The following DENND4A variants were observed in gnomAD, a reference collection of about 807,000 sequenced individuals.
The protein encoded by DENND4A is DENN domain containing 4A, also known as C-myc promoter-binding protein.
A neutral mutation model predicts 199.3 loss-of-function variants in DENND4A; 70 were observed. That is an observed-to-expected ratio of 0.35 (90% CI 0.29 to 0.43). DENND4A has a LOEUF of 0.43. Ranked by LOEUF, DENND4A falls within the 20% of genes least tolerant of loss-of-function variation. The probability of loss-of-function intolerance (pLI) is 1.00; values close to 1 mark genes in which losing one functional copy is unlikely to be tolerated. For missense variants in DENND4A, 1,723 were observed against 2,255.8 expected (o/e 0.76, Z 4.78); for synonymous variants, 686 against 766.9 (o/e 0.89, Z 1.74).
chr15:65,676,626 A>G lies in DENND4A; in HGVS notation c.4188T>C (p.Ser1396=). ...CTGAAGAAAGACTGGTACGATCAGA[A>G]CTTTGATCCTAAGGACATAATTATA... The part of the protein sequence containing the change: ...TMYTTSSKDQ[S]SDRTSLSSVG... The change falls in exon 24 of 33, where the codon AGT becomes AGC. Residue 1396 remains serine (S), a synonymous_variant. Coordinates refer to ENST00000443035, the MANE Select transcript of DENND4A (RefSeq NM_001320835.1). 1 of 1,610,838 alleles carries G rather than the reference A, an allele frequency of 6.2e-7. No individual in the cohort carries two copies. The highest frequency in any genetic ancestry group is 8.5e-7 in the Non-Finnish European group (1 of 1,178,376).
intron 15 of DENND4A, among the ~76,000 whole-genome samples, chr15:65,705,531 G>T (rs909245541): frequency 6.6e-5 from 10 of 152,192 alleles, no homozygotes; most frequent in African/African-American, 2.2e-4. Context: ...TATCGTTTAA[G>T]TCTGTATACT....
At position 65,752,725 on chromosome 15, in the gene DENND4A, T is replaced by C. The variant is rs1009504158; in HGVS notation, c.312-97A>G. 6.5e-6 allele frequency: 5 copies of C among 764,104 alleles called. No homozygotes were observed. The African/African-American group carries it at 7.1e-5, about 11-fold the overall frequency. The allele number at this position is 764,104 out of a possible 1,614,324, so 47.3% of individuals were successfully genotyped here. On this transcript the variant is annotated intron_variant, in intron 3 of 32. Transcript: ENST00000443035. ...CAACTGATCCTTAAATGTAGTAGCA[T>C]GGTAAAAATATTCCAATCTTACTGC...
chr15:65,784,613 A>G (rs1283253997), intron 1 of DENND4A, among the ~76,000 whole-genome samples: 1 of 152,204 alleles, frequency 6.6e-6, no homozygotes, highest in East Asian at 1.9e-4. Context: ...TAGTCCTTTA[A>G]GGCATGTATA....
intron 22 of DENND4A, among the ~76,000 whole-genome samples, chr15:65,694,664 T>C (rs2077084592): frequency 6.6e-6 from 1 of 152,196 alleles, no homozygotes; most frequent in South Asian, 2.1e-4. Context: ...TCCTAGTATG[T>C]ACAAGTATAT....
At chr15:65,778,096 T>C (rs754856234) in intron 1 of DENND4A, among the ~76,000 whole-genome samples, 5 of 152,074 alleles carry the variant, frequency 3.3e-5, no homozygotes, top group African/African-American at 4.8e-5. Flanking sequence ...ATGAAAAATA[T>C]TCACCAAACA....
chr15:65,730,562 C>T (rs1262855814), intron 9 of DENND4A, among the ~76,000 whole-genome samples: 2 of 152,050 alleles, frequency 1.3e-5, no homozygotes, highest in East Asian at 1.9e-4. Flanking sequence ...AGTACTGATA[C>T]ATGAGGCAAC....
intron 1 of DENND4A, among the ~76,000 whole-genome samples, chr15:65,774,834 T>A (rs938377386): frequency 2.0e-5 from 3 of 150,934 alleles, no homozygotes; most frequent in African/African-American, 2.4e-5. Flanking sequence ...TAAAAAAAAA[T>A]TTTGTGGATA....
intron 27 of DENND4A, 146 bp downstream of exon 27, chr15:65,669,633 C>CT (rs1491441538): frequency 3.0e-6 from 2 of 675,744 alleles, no homozygotes; most frequent in Non-Finnish European, 2.4e-6. Flanking sequence ...AATTTTAACA[C>CT]TGTTTTAAGA....
chr15:65,785,544 T>A (rs199944059), intron 1 of DENND4A, among the ~76,000 whole-genome samples: 1 of 139,986 alleles, frequency 7.1e-6, no homozygotes, highest in African/African-American at 2.5e-5. Context: ...TATTGTTTTG[T>A]ACGAGACATT....
chr15:65,691,167 T>C lies in DENND4A; in HGVS notation c.3427A>G (p.Ser1143Gly), dbSNP rs769720896. ...SKRDSLEKES[S>G]DDDTPFDGSN... is the part of the protein sequence containing the mutation. Reference sequence around the variant, plus strand: ...CCATCAAAAGGTGTATCATCATCACTAGATTCCTTTTCTAGACTGTCTCTT... The same window carrying C: ...CCATCAAAAGGTGTATCATCATCACCAGATTCCTTTTCTAGACTGTCTCTT... The change falls in exon 23 of 33, where the codon AGT (serine) becomes GGT (glycine). Residue 1143 changes from serine to glycine, a missense_variant. By Grantham distance (56) the Ser-to-Gly change is moderately conservative (BLOSUM62 0). This residue lies in a region of DENND4A where 650 missense variants were observed against 738.1 expected (regional missense o/e 0.88). Transcript: ENST00000443035. 2.5e-5 allele frequency: 41 copies of C among 1,613,404 alleles called. No individual in the cohort carries two copies. The highest frequency in any genetic ancestry group is 2.2e-5 in the East Asian group (1 of 44,878).
chr15:65,738,560 G>C (rs895453429), intron 6 of DENND4A, 146 bp downstream of exon 6: 8 of 638,296 alleles, frequency 1.3e-5, no homozygotes, highest in Non-Finnish European at 2.0e-5. Flanking sequence ...CTTTTCCTAT[G>C]TCCCTGGATA....
At chr15:65,698,978 C>A (rs959577466) in intron 20 of DENND4A, among the ~76,000 whole-genome samples, 2 of 151,924 alleles carry the variant, frequency 1.3e-5, no homozygotes, top group South Asian at 4.2e-4. Context: ...CCTCAAGTGA[C>A]CTGCCTGCCT....
At chr15:65,749,691 C>A (rs117221351) in intron 4 of DENND4A, among the ~76,000 whole-genome samples, 2 of 151,624 alleles carry the variant, frequency 1.3e-5, no homozygotes, top group African/African-American at 4.8e-5. Context: ...CAAAGAAATG[C>A]AAATTAAAAT....
chr15:65,733,122 C>A (rs2076010221), intron 7 of DENND4A, among the ~76,000 whole-genome samples: 1 of 152,094 alleles, frequency 6.6e-6, no homozygotes, highest in South Asian at 2.1e-4. Context: ...GTGGAAATTA[C>A]CCAAAAAGTA....
intron 1 of DENND4A, among the ~76,000 whole-genome samples, chr15:65,785,130 A>AC (rs1264472046): frequency 3.9e-5 from 6 of 151,950 alleles, no homozygotes; most frequent in Non-Finnish European, 7.4e-5. Context: ...TGTCTCAAAA[A>AC]AAAAAAAATC....
At chr15:65,720,105 A>T (rs8042366) in intron 12 of DENND4A, among the ~76,000 whole-genome samples, 85,441 of 151,468 alleles carry the variant, frequency 0.56, 26,748 homozygotes, top group African/African-American at 0.85. Context: ...AAGAACATTA[A>T]GATGATAACT....
chr15:65,791,248 G>GTT (rs2141042319), intron 1 of DENND4A, among the ~76,000 whole-genome samples: 1 of 152,222 alleles, frequency 6.6e-6, no homozygotes, highest in South Asian at 2.1e-4. Context: ...GGTTCTAGGC[G>GTT]TAACCATACG....
At position 65,660,142 on chromosome 15, in the gene DENND4A, G is replaced by A. The variant is rs1235737825; in HGVS notation, c.*1709C>T. 3 of 614,810 alleles carry A rather than the reference G, an allele frequency of 4.9e-6. No individual in the cohort carries two copies. Among genetic ancestry groups the A allele is most frequent in the South Asian group, 4.0e-5 (2 of 50,444 alleles). 38.1% of individuals were successfully genotyped at this position (614,810 alleles called of 1,614,324 possible). A position where few individuals can be genotyped will look rare whatever the true frequency, so the allele number is the denominator to read the frequency against. On this transcript the variant is annotated 3_prime_UTR_variant, in exon 33 of 33. Coordinates refer to ENST00000443035, the MANE Select transcript of DENND4A (RefSeq NM_001320835.1). The stretch of plus-strand genomic sequence containing the variant: ...AGAACATGAAGCTTGGATCTGAATA[G>A]TAAAGAATAATATTGGAGTGGTATT...
intron 23 of DENND4A, among the ~76,000 whole-genome samples, chr15:65,686,962 CAG>C (rs1051595533): frequency 1.3e-5 from 2 of 152,158 alleles, no homozygotes; most frequent in Non-Finnish European, 2.9e-5. Context: ...CTTGGCCTTC[CAG>C]AGAGCTGGGA....
Sources: gnomAD v4.1 joint callset for allele counts (sites outside exome capture counted in the v4.1 genomes callset) on GRCh38, gnomAD v4.1.1 for gene constraint, gnomAD v4.1.1 regional missense constraint, MANE v1.5 for transcripts, NCBI Gene and HGNC (gene_info 2026-07-23, HGNC 2026-07-21) for gene names.